Variants in PSD3 observed in about 807,000 individuals in gnomAD.
The protein encoded by PSD3 is pleckstrin and Sec7 domain containing 3.
PSD3 carries 49 observed loss-of-function variants against 105.5 expected under a neutral mutation model. The ratio of observed to expected loss-of-function variants is 0.46; its 90% CI spans 0.37 to 0.59. The LOEUF (loss-of-function observed/expected upper bound fraction) is 0.59, where lower values mean the gene tolerates loss of function less well. PSD3 is among the 20% of genes least tolerant of loss of function. The pLI is 0.00. For missense variants in PSD3, 1,561 were observed against 1,263.8 expected (o/e 1.24, Z -3.57); for synonymous variants, 557 against 457.8 (o/e 1.22, Z -2.77).
chr8:18,857,870 G>C (rs898323134), intron 4 of PSD3, among the ~76,000 whole-genome samples: 3 of 152,166 alleles, frequency 2.0e-5, no homozygotes, highest in African/African-American at 4.8e-5. Context: ...TGTAATTTTA[G>C]ATTCAGAGAC....
Position 18,530,833 on chromosome 8 carries a change from G to T in PSD3, c.*4910C>A, listed in dbSNP as rs1022753610. Reference sequence around the variant, plus strand: ...GATTCAAAGCTCAAAGAATTTTCTAGCATAAAGTCTTATTAAAAATTTTAA... The same window carrying T: ...GATTCAAAGCTCAAAGAATTTTCTATCATAAAGTCTTATTAAAAATTTTAA... On this transcript the variant is annotated 3_prime_UTR_variant, in exon 16 of 16. Transcript: ENST00000327040. The T allele has an allele frequency of 6.6e-6, 1 of 151,888 alleles. No homozygotes were observed. Among genetic ancestry groups the T allele is most frequent in the Non-Finnish European group, 1.5e-5 (1 of 67,990 alleles). 9.4% of individuals were successfully genotyped at this position (151,888 alleles called of 1,614,324 possible). A position where few individuals can be genotyped will look rare whatever the true frequency, so the allele number is the denominator to read the frequency against.
At chr8:18,539,665 A>G (rs1405912134) in intron 15 of PSD3, among the ~76,000 whole-genome samples, 1 of 149,056 alleles carries the variant, frequency 6.7e-6, no homozygotes, top group Admixed American at 6.8e-5. Context: ...CCCCTGCCTC[A>G]GCCTCTGGAG....
chr8:19,083,462 A>C (rs1190409734), intron 1 of PSD3, among the ~76,000 whole-genome samples: 2 of 152,168 alleles, frequency 1.3e-5, no homozygotes, highest in Non-Finnish European at 2.9e-5. Flanking sequence ...GCTGGAAAAG[A>C]CCTTGGAGGC....
At chr8:19,073,862 C>T (rs1829355793) in intron 1 of PSD3, among the ~76,000 whole-genome samples, 1 of 151,464 alleles carries the variant, frequency 6.6e-6, no homozygotes, top group Admixed American at 6.6e-5. Flanking sequence ...AGGATCTCGG[C>T]TCACTGCAAG....
chr8:18,555,590 ATGGAAATATT>A (rs1801019336), intron 15 of PSD3, among the ~76,000 whole-genome samples: 1 of 152,242 alleles, frequency 6.6e-6, no homozygotes, highest in Non-Finnish European at 1.5e-5. Flanking sequence ...AAACTGAGCC[ATGGAAATATT>A]TGGAAATATA....
chr8:18,827,123 T>C (rs1171930336), intron 4 of PSD3, among the ~76,000 whole-genome samples: 1 of 152,164 alleles, frequency 6.6e-6, no homozygotes, highest in Non-Finnish European at 1.5e-5. Flanking sequence ...GGGCACCATA[T>C]GAATAAAGAG....
chr8:18,893,569 G>A (rs373998523), intron 2 of PSD3, among the ~76,000 whole-genome samples: 21 of 152,054 alleles, frequency 1.4e-4, no homozygotes, highest in African/African-American at 4.3e-4. Flanking sequence ...AAAGTGAAAT[G>A]TATCATTCCA....
intron 4 of PSD3, among the ~76,000 whole-genome samples, chr8:18,838,834 A>C (rs1318635941): frequency 6.8e-6 from 1 of 147,546 alleles, no homozygotes; most frequent in Non-Finnish European, 1.5e-5. Context: ...AATAATAATA[A>C]TAATAATAAT....
chr8:18,762,828 G>T, intron 9 of PSD3: 1 of 770,696 alleles, frequency 1.3e-6, no homozygotes, highest in Non-Finnish European at 1.8e-6. Context: ...AATATGTCAA[G>T]GTCTATTTTT....
chr8:18,599,282 C>A (rs1804260650), intron 12 of PSD3, among the ~76,000 whole-genome samples: 1 of 152,064 alleles, frequency 6.6e-6, no homozygotes, highest in Non-Finnish European at 1.5e-5. Context: ...AAGCTGGAAC[C>A]CTTATGTACT....
At chr8:18,690,104 T>C (rs1251328746) in intron 9 of PSD3, among the ~76,000 whole-genome samples, 2 of 152,122 alleles carry the variant, frequency 1.3e-5, no homozygotes, top group Admixed American at 6.5e-5. Flanking sequence ...AAATGGAAAG[T>C]TCAAGGCTGG....
At chr8:18,747,561 G>A (rs760326450) in intron 9 of PSD3, among the ~76,000 whole-genome samples, 2 of 152,140 alleles carry the variant, frequency 1.3e-5, no homozygotes, top group South Asian at 2.1e-4. Context: ...GAAAATGAAT[G>A]GAAAAAGAGG....
At chr8:18,757,481 A>AACAG (rs1806153955) in intron 9 of PSD3, among the ~76,000 whole-genome samples, 1 of 151,996 alleles carries the variant, frequency 6.6e-6, no homozygotes, top group East Asian at 1.9e-4. Context: ...CAAACAAACA[A>AACAG]ACATTAACTG....
rs1211677893 is a variant in PSD3 at position 18,632,681 on chromosome 8, G to C, written c.2342C>G (p.Pro781Arg). The C allele has an allele frequency of 2.5e-6, 4 of 1,612,582 alleles. No homozygotes were observed. The highest frequency in any genetic ancestry group is 3.4e-6 in the Non-Finnish European group (4 of 1,179,128). Residue 781 changes from proline (P) to arginine (R), a missense_variant, in exon 11 of 16, where the codon CCA (proline) becomes CGA (arginine). By Grantham distance (103) the Pro-to-Arg change is moderately radical. Transcript: ENST00000327040. Reference sequence around the variant, plus strand: ...TCCACTTTTGTACACAGCAGCATTTGGATCATGAGGAATGTCCAAAAATGG... The same window carrying C: ...TCCACTTTTGTACACAGCAGCATTTCGATCATGAGGAATGTCCAAAAATGG... ...TNPFLDIPHDPNAAVYKSGFL... is the reference protein window; with the variant it reads ...TNPFLDIPHDRNAAVYKSGFL...
chr8:18,924,231 T>G (rs550507787), intron 2 of PSD3, among the ~76,000 whole-genome samples: 2 of 152,136 alleles, frequency 1.3e-5, no homozygotes, highest in Admixed American at 1.3e-4. Context: ...AAACAGACCA[T>G]TGGAAACTAC....
intron 4 of PSD3, among the ~76,000 whole-genome samples, chr8:18,821,717 A>ACACACACACAC (rs1554513425): frequency 4.3e-5 from 6 of 141,118 alleles, no homozygotes; most frequent in South Asian, 2.3e-4. Context: ...ACACACACAC[A>ACACACACACAC]CCCCAATAAC....
At chr8:18,998,318 G>A (rs1385392513) in intron 1 of PSD3, among the ~76,000 whole-genome samples, 1 of 151,982 alleles carries the variant, frequency 6.6e-6, no homozygotes, top group East Asian at 1.9e-4. Context: ...TCTTAACTGA[G>A]AGATGCCCTG....
chr8:18,814,525 G>T (rs1170406801), intron 4 of PSD3, among the ~76,000 whole-genome samples: 1 of 152,156 alleles, frequency 6.6e-6, no homozygotes, highest in African/African-American at 2.4e-5. Flanking sequence ...ATACTAAGTT[G>T]CTGCTCTTGT....
chr8:18,894,185 T>TTTTGTACTCACTACAAAGTACA (rs1459530967), intron 2 of PSD3, among the ~76,000 whole-genome samples: 1 of 152,242 alleles, frequency 6.6e-6, no homozygotes, highest in African/African-American at 2.4e-5. Flanking sequence ...TTTTCCAGCC[T>TTTTGTACTCACTACAAAGTACA]TTTGTACTCA....
Sources: allele counts gnomAD v4.1 joint callset (sites outside exome capture counted in the v4.1 genomes callset), GRCh38; gene constraint gnomAD v4.1.1; transcripts MANE v1.5; gene names NCBI Gene and HGNC (gene_info 2026-07-23, HGNC 2026-07-21).